PHF24: variants seen among roughly 807,000 people sequenced by gnomAD.
The protein encoded by PHF24 is Galpha inhibitory interacting protein.
A neutral mutation model predicts 42.6 loss-of-function variants in PHF24; 25 were observed. The observed-to-expected ratio is 0.59, with a 90% CI of 0.43 to 0.82. PHF24 has a LOEUF of 0.82. Among genes scored for constraint, PHF24 ranks in the 40% least tolerant of loss-of-function variants. The probability of loss-of-function intolerance (pLI) is 0.00; values close to 1 mark genes in which losing one functional copy is unlikely to be tolerated. For missense variants in PHF24, 470 were observed against 538.1 expected, an observed-to-expected ratio of 0.87 and a Z score of 1.25; for synonymous variants, 185 against 204.8, an observed-to-expected ratio of 0.90 and a Z score of 0.83.
chr9:34,756,852 A>G, the PHF24 span, among the ~76,000 whole-genome samples: 59 of 152,146 alleles, frequency 3.9e-4, no homozygotes, highest in African/African-American at 1.4e-3. Flanking sequence ...TGAGCATGGA[A>G]TGTCTTCTTA....
At chr9:34,865,767 T>A in the PHF24 span, among the ~76,000 whole-genome samples, 1 of 152,168 alleles carries the variant, frequency 6.6e-6, no homozygotes, top group Non-Finnish European at 1.5e-5. Context: ...CTGGGGAAGG[T>A]TCTGCTTCCA....
chr9:34,870,153 T>C, the PHF24 span, among the ~76,000 whole-genome samples: 1 of 152,090 alleles, frequency 6.6e-6, no homozygotes. Context: ...CCTTCCCCAC[T>C]ATCAACATCC....
At chr9:34,760,914 C>T in the PHF24 span, among the ~76,000 whole-genome samples, 3 of 152,066 alleles carry the variant, frequency 2.0e-5, no homozygotes, top group Admixed American at 1.3e-4. Flanking sequence ...ATTGCTTCAG[C>T]CCAGGAGGTA....
the PHF24 span, among the ~76,000 whole-genome samples, chr9:34,896,824 T>C: frequency 2.0e-5 from 3 of 152,192 alleles, no homozygotes; most frequent in South Asian, 4.2e-4. Context: ...CTTGAGAAGT[T>C]CTTGCCCTGA....
chr9:34,891,280 C>T, the PHF24 span, among the ~76,000 whole-genome samples: 17 of 152,272 alleles, frequency 1.1e-4, no homozygotes, highest in South Asian at 4.1e-4. Context: ...AGGACAGGGG[C>T]GCCAAGTTGC....
chr9:34,749,627 T>C, the PHF24 span, among the ~76,000 whole-genome samples: 1 of 150,836 alleles, frequency 6.6e-6, no homozygotes, highest in Non-Finnish European at 1.5e-5. Flanking sequence ...TAATTTTACT[T>C]TAAGTTCTGG....
At chr9:34,840,898 A>T in the PHF24 span, among the ~76,000 whole-genome samples, 20 of 152,172 alleles carry the variant, frequency 1.3e-4, no homozygotes, top group African/African-American at 4.6e-4. Context: ...TGTAGGAAAA[A>T]TTCCTTCTAG....
chr9:34,773,582 A>T, the PHF24 span, among the ~76,000 whole-genome samples: 2 of 152,246 alleles, frequency 1.3e-5, no homozygotes, highest in African/African-American at 4.8e-5. Flanking sequence ...GTCTACACTG[A>T]TATAAATAAA....
At chr9:34,808,085 C>T in the PHF24 span, among the ~76,000 whole-genome samples, 2 of 152,138 alleles carry the variant, frequency 1.3e-5, no homozygotes, top group Admixed American at 1.3e-4. Context: ...GTCCTGGAGG[C>T]AGTACAGTCA....
the PHF24 span, among the ~76,000 whole-genome samples, chr9:34,911,108 G>C: frequency 1.1e-4 from 17 of 151,988 alleles, no homozygotes; most frequent in Non-Finnish European, 1.8e-4. Context: ...ACAGGCATGA[G>C]CCACCATGCC....
the PHF24 span, among the ~76,000 whole-genome samples, chr9:34,849,194 A>G: frequency 2.0e-5 from 3 of 152,072 alleles, no homozygotes; most frequent in African/African-American, 7.2e-5. Flanking sequence ...TAATGTTGAC[A>G]GTGGGGTGTT....
the PHF24 span, among the ~76,000 whole-genome samples, chr9:34,682,142 T>C: frequency 6.6e-6 from 1 of 150,416 alleles, no homozygotes; most frequent in South Asian, 2.1e-4. Context: ...ACCCGGCTAA[T>C]TATTTCTATT....
At chr9:34,723,880 C>A in the PHF24 span, 23 of 1,551,546 alleles carry the variant, frequency 1.5e-5, no homozygotes, top group South Asian at 2.6e-4. Flanking sequence ...GCTGTGGGAG[C>A]TTAAGCTGAG....
the PHF24 span, among the ~76,000 whole-genome samples, chr9:34,729,920 C>A: frequency 6.6e-6 from 1 of 152,090 alleles, no homozygotes; most frequent in Non-Finnish European, 1.5e-5. Context: ...AAATGGAGAT[C>A]TTTGATGTTT....
At chr9:34,666,207 A>C in the PHF24 span, 1 of 164,086 alleles carries the variant, frequency 6.1e-6, no homozygotes, top group Non-Finnish European at 1.4e-5. Context: ...CGGGCAAAGG[A>C]CCCTCTTTTA....
At chr9:34,846,180 C>G in the PHF24 span, among the ~76,000 whole-genome samples, 1 of 152,218 alleles carries the variant, frequency 6.6e-6, no homozygotes, top group African/African-American at 2.4e-5. Flanking sequence ...GCCACACTGA[C>G]TTCCACAATG....
chr9:34,831,603 AT>A, the PHF24 span, among the ~76,000 whole-genome samples: 1 of 152,128 alleles, frequency 6.6e-6, no homozygotes, highest in Admixed American at 6.5e-5. Context: ...CTCTAGGCTC[AT>A]TTTAGCACCA....
chr9:34,724,705 G>C, the PHF24 span: 1 of 1,550,206 alleles, frequency 6.5e-7, no homozygotes, highest in East Asian at 2.4e-5. Context: ...AACTCTCATT[G>C]TTGCCTTGAG....
the PHF24 span, among the ~76,000 whole-genome samples, chr9:34,740,890 CT>C: frequency 0.012 from 1,690 of 146,442 alleles, 19 homozygotes; most frequent in Middle Eastern, 0.029. Flanking sequence ...CTCTCTCTCT[CT>C]TTTTTTTTTT....
Sources: gnomAD v4.1 joint callset for allele counts (sites outside exome capture counted in the v4.1 genomes callset) on GRCh38, gnomAD v4.1.1 for gene constraint, MANE v1.5 for transcripts, NCBI Gene and HGNC (gene_info 2026-07-23, HGNC 2026-07-21) for gene names.